CEP76: variants seen among roughly 807,000 people sequenced by gnomAD.
The protein encoded by CEP76 is centrosomal protein 76, also known as centrosomal protein of 76 kDa.
In CEP76, 55 loss-of-function variants were observed where a neutral mutation model predicts 83.3. The observed-to-expected ratio is 0.66, with a 90% CI of 0.53 to 0.83. CEP76 has a LOEUF of 0.83. Ranked by LOEUF, CEP76 falls within the 40% of genes least tolerant of loss-of-function variation. The pLI is 0.00. For synonymous variants in CEP76, 270 were observed against 274.5 expected (o/e 0.98, Z 0.16); for missense variants, 694 against 799.5 (o/e 0.87, Z 1.59).
At chr18:12,682,161 TC>T (rs905586312) in intron 8 of CEP76, among the ~76,000 whole-genome samples, 6 of 152,098 alleles carry the variant, frequency 3.9e-5, no homozygotes, top group African/African-American at 1.4e-4. Flanking sequence ...TGAAGAAATT[TC>T]TTTTTTTTTT....
At chr18:12,666,937 TTTAAAA>T (rs1353930525) in intron 12 of CEP76, among the ~76,000 whole-genome samples, 1 of 151,868 alleles carries the variant, frequency 6.6e-6, no homozygotes, top group Non-Finnish European at 1.5e-5. Context: ...TCATAATGAG[TTTAAAA>T]TTAAAAATTC....
intron 7 of CEP76, among the ~76,000 whole-genome samples, chr18:12,687,835 A>G (rs2039597820): frequency 2.0e-5 from 3 of 152,234 alleles, no homozygotes; most frequent in African/African-American, 7.2e-5. Flanking sequence ...TTTTACATGA[A>G]CTTAGCATTA....
rs373091705 is a variant in CEP76 at position 12,691,350 on chromosome 18, T to G, written c.933+9A>C. ...CAGGCATAAAATTATTCTAATATAA[T>G]TTACAAACCTGTGCAAAAATCTTAA... On this transcript the variant is annotated intron_variant, in intron 7 of 11. Coordinates refer to ENST00000262127, the MANE Select transcript of CEP76 (RefSeq NM_024899.4). The G allele has an allele frequency of 1.1e-4, 162 of 1,536,888 alleles. No homozygotes were observed. The African/African-American group carries it at 1.9e-3, about 18-fold the overall frequency.
At chr18:12,676,453 T>TACAA (rs1436345568) in intron 10 of CEP76, among the ~76,000 whole-genome samples, 1 of 145,984 alleles carries the variant, frequency 6.9e-6, no homozygotes, top group Non-Finnish European at 1.5e-5. Flanking sequence ...TTTTGTACTT[T>TACAA]TTGTAGAGAT....
intron 7 of CEP76, among the ~76,000 whole-genome samples, chr18:12,688,182 G>A (rs1017065577): frequency 1.5e-5 from 2 of 136,528 alleles, no homozygotes; most frequent in Non-Finnish European, 3.0e-5. Flanking sequence ...AGTGAGCCGA[G>A]ATCGTGCCAC....
chr18:12,694,569 G>A (rs2039880734), intron 6 of CEP76, among the ~76,000 whole-genome samples: 1 of 152,196 alleles, frequency 6.6e-6, no homozygotes, highest in Admixed American at 6.5e-5. Context: ...AAAGTGGCAA[G>A]CACTTCTACC....
chr18:12,674,400 C>T, intron 11 of CEP76, 136 bp downstream of exon 11: 1 of 631,132 alleles, frequency 1.6e-6, no homozygotes, highest in Non-Finnish European at 2.7e-6. Flanking sequence ...CATAACTGTG[C>T]CACTGTACTC....
chr18:12,700,919 CATAT>C (rs45438495), intron 2 of CEP76, 35 bp downstream of exon 2: 453,143 of 1,515,824 alleles, frequency 0.3, 69,775 homozygotes, highest in Non-Finnish European at 0.33. Context: ...TTAGTATATA[CATAT>C]ATACTCTCAT....
At chr18:12,662,337 C>T (rs768834457) in intron 12 of CEP76, among the ~76,000 whole-genome samples, 2 of 152,092 alleles carry the variant, frequency 1.3e-5, no homozygotes, top group Non-Finnish European at 2.9e-5. Context: ...TATTATTATT[C>T]CTATCTTACA....
chr18:12,694,937 G>A (rs995360063), intron 6 of CEP76, among the ~76,000 whole-genome samples: 1 of 151,340 alleles, frequency 6.6e-6, no homozygotes, highest in Non-Finnish European at 1.5e-5. Flanking sequence ...GGATGGTCAC[G>A]ATCTCCTGAC....
At chr18:12,690,437 C>T (rs528777925) in intron 7 of CEP76, among the ~76,000 whole-genome samples, 4 of 151,970 alleles carry the variant, frequency 2.6e-5, no homozygotes, top group Non-Finnish European at 4.4e-5. Flanking sequence ...ACAAAAAATA[C>T]GTGAACCTGA....
At chr18:12,680,621 A>G in intron 9 of CEP76, 41 bp downstream of exon 9, 4 of 1,301,756 alleles carry the variant, frequency 3.1e-6, no homozygotes, top group Non-Finnish European at 4.2e-6. Context: ...AAAAAAACTT[A>G]TAACTTCATT....
In CEP76 at chr18:12,702,637, A is replaced by C; in HGVS notation, c.-89T>G. The C allele has an allele frequency of 7.0e-7, 1 of 1,423,140 alleles. No homozygotes were observed. Among genetic ancestry groups the C allele is most frequent in the Non-Finnish European group, 9.4e-7 (1 of 1,060,954 alleles). The allele number at this position is 1,423,140 out of a possible 1,614,324, so 88.2% of individuals were successfully genotyped here. Reference sequence around the variant, plus strand: ...GCCGGGCCAGGGAGCGTTAGGAGCGACTGGAGCACAAAGCGCCGCAGCCGT... The same window carrying C: ...GCCGGGCCAGGGAGCGTTAGGAGCGCCTGGAGCACAAAGCGCCGCAGCCGT... On this transcript the variant is annotated 5_prime_UTR_variant, in exon 1 of 12. Coordinates refer to ENST00000262127, the MANE Select transcript of CEP76 (RefSeq NM_024899.4).
chr18:12,701,759 T>G (rs1357426622), intron 1 of CEP76, among the ~76,000 whole-genome samples: 1 of 152,172 alleles, frequency 6.6e-6, no homozygotes, highest in East Asian at 1.9e-4. Flanking sequence ...TAACTTCTCT[T>G]CCATGACTTA....
intron 8 of CEP76, among the ~76,000 whole-genome samples, chr18:12,682,538 T>A (rs938851807): frequency 3.3e-5 from 5 of 152,096 alleles, no homozygotes; most frequent in East Asian, 1.9e-4. Context: ...TAAAGTTTTT[T>A]AAAAAAAATT....
At chr18:12,682,611 C>T (rs1480544012) in intron 8 of CEP76, among the ~76,000 whole-genome samples, 1 of 151,804 alleles carries the variant, frequency 6.6e-6, no homozygotes, top group South Asian at 2.1e-4. Flanking sequence ...ATGTAATAAC[C>T]AATCTTTTAT....
chr18:12,678,183 A>T lies in CEP76; in HGVS notation c.1549T>A (p.Ser517Thr), dbSNP rs2039212776. Residue 517 changes from serine (S) to threonine (T), a missense_variant, in exon 10 of 12, where the codon TCC (serine) becomes ACC (threonine). By Grantham distance (58) the Ser-to-Thr change is moderately conservative (BLOSUM62 1). Transcript: ENST00000262127. ...CTTGTTACTGACGCGTCAATTGTGG[A>T]TGCACACAGAGGTGGAAAGGGAGGA... ...SLPPFPPLCA[S>T]TIDASVTSNE... 6.2e-7 allele frequency: 1 copy of T among 1,614,060 alleles called. No individual in the cohort carries two copies. The highest frequency in any genetic ancestry group is 1.1e-5 in the South Asian group (1 of 91,088).
intron 12 of CEP76, among the ~76,000 whole-genome samples, chr18:12,665,705 A>G (rs931663089): frequency 6.6e-6 from 1 of 152,036 alleles, no homozygotes; most frequent in Non-Finnish European, 1.5e-5. Flanking sequence ...ATTTTTTTTT[A>G]ATTTTTTTTG....
At chr18:12,697,655 G>C (rs1025366979) in intron 4 of CEP76, among the ~76,000 whole-genome samples, 4 of 152,164 alleles carry the variant, frequency 2.6e-5, no homozygotes, top group African/African-American at 9.7e-5. Flanking sequence ...AGTGCTTTCT[G>C]ATTCATAAGA....
Sources: allele counts gnomAD v4.1 joint callset (sites outside exome capture counted in the v4.1 genomes callset), GRCh38; gene constraint gnomAD v4.1.1; transcripts MANE v1.5; gene names NCBI Gene and HGNC (gene_info 2026-07-23, HGNC 2026-07-21).